UNC13C: variants seen among roughly 807,000 people sequenced by gnomAD.
The protein encoded by UNC13C is protein unc-13 homolog C.
In UNC13C, 174 loss-of-function variants were observed where a neutral mutation model predicts 245.4. That is an observed-to-expected ratio of 0.71 (90% CI 0.63 to 0.80). The LOEUF (loss-of-function observed/expected upper bound fraction) is 0.80, where lower values mean the gene tolerates loss of function less well. Ranked by LOEUF, UNC13C falls within the 30% of genes least tolerant of loss-of-function variation. The pLI, the probability that UNC13C is intolerant of heterozygous loss-of-function variation, is 0.00. For missense variants in UNC13C, 2,829 were observed against 2,602.9 expected (o/e 1.09, Z -1.89); for synonymous variants, 992 against 895.1 (o/e 1.11, Z -1.93).
At chr15:53,973,307 C>G (rs1893595466), upstream of UNC13C, among the ~76,000 whole-genome samples, 1 of 152,010 alleles carries the variant, frequency 6.6e-6, no homozygotes, top group South Asian at 2.1e-4. Flanking sequence ...TTATTGCTAG[C>G]TAATATTTAT....
At chr15:54,341,650 A>G (rs2038734594) in intron 17 of UNC13C, among the ~76,000 whole-genome samples, 1 of 152,204 alleles carries the variant, frequency 6.6e-6, no homozygotes, top group African/African-American at 2.4e-5. Flanking sequence ...TATGCTTACT[A>G]CCTATAACCA....
chr15:54,551,888 A>T (rs931418140), intron 28 of UNC13C, among the ~76,000 whole-genome samples: 1 of 152,030 alleles, frequency 6.6e-6, no homozygotes, highest in African/African-American at 2.4e-5. Flanking sequence ...AAATTGTATA[A>T]AACTATTTCC....
At chr15:53,980,724 A>C (rs1893892600) in intron 1 of UNC13C, among the ~76,000 whole-genome samples, 1 of 152,170 alleles carries the variant, frequency 6.6e-6, no homozygotes, top group African/African-American at 2.4e-5. Context: ...CCTTCCAGAG[A>C]TCATCATCAC....
At chr15:54,029,287 G>A (rs964071155) in intron 2 of UNC13C, among the ~76,000 whole-genome samples, 1 of 152,198 alleles carries the variant, frequency 6.6e-6, no homozygotes, top group Non-Finnish European at 1.5e-5. Context: ...TCAACATAGG[G>A]AACCAAATAA....
intron 18 of UNC13C, among the ~76,000 whole-genome samples, chr15:54,413,429 A>C (rs925829673): frequency 2.0e-5 from 3 of 152,156 alleles, no homozygotes; most frequent in African/African-American, 7.2e-5. Context: ...AATGTACTAC[A>C]AAATGTGTTA....
intron 17 of UNC13C, among the ~76,000 whole-genome samples, chr15:54,387,295 G>T (rs2039859563): frequency 6.6e-6 from 1 of 152,088 alleles, no homozygotes; most frequent in Admixed American, 6.6e-5. Flanking sequence ...TAATTATATG[G>T]TAAATAATTT....
At chr15:54,442,620 A>ACTATG (rs1244013194) in intron 19 of UNC13C, among the ~76,000 whole-genome samples, 4 of 151,990 alleles carry the variant, frequency 2.6e-5, no homozygotes, top group Admixed American at 6.6e-5. Flanking sequence ...GTTATGTTCC[A>ACTATG]CTATGCCTAG....
At chr15:53,979,564 T>C (rs2140943920) in intron 1 of UNC13C, among the ~76,000 whole-genome samples, 1 of 152,312 alleles carries the variant, frequency 6.6e-6, no homozygotes, top group African/African-American at 2.4e-5. Context: ...TCCAACAGCA[T>C]GAGTAAACCC....
At chr15:54,567,306 C>A (rs1897558173) in intron 29 of UNC13C, among the ~76,000 whole-genome samples, 1 of 152,188 alleles carries the variant, frequency 6.6e-6, no homozygotes, top group South Asian at 2.1e-4. Flanking sequence ...TGGCCTATAT[C>A]TGCACCACTG....
chr15:53,992,399 G>C (rs926209253), intron 1 of UNC13C, among the ~76,000 whole-genome samples: 9 of 152,044 alleles, frequency 5.9e-5, no homozygotes, highest in Non-Finnish European at 1.3e-4. Flanking sequence ...TGGAGGTCCA[G>C]GAGGTTGTTT....
the UNC13C span, among the ~76,000 whole-genome samples, chr15:53,848,851 A>G: frequency 9.9e-5 from 15 of 151,944 alleles, no homozygotes; most frequent in Non-Finnish European, 2.1e-4. Context: ...GTATTTTTAT[A>G]TCTTCTTGAT....
At chr15:53,846,380 A>C in the UNC13C span, among the ~76,000 whole-genome samples, 1 of 152,176 alleles carries the variant, frequency 6.6e-6, no homozygotes, top group African/African-American at 2.4e-5. Flanking sequence ...TTTTTAAAAA[A>C]TTTGTCTGCA....
At position 54,333,858 on chromosome 15, in the gene UNC13C, T is replaced by C. The variant is rs1397924091; in HGVS notation, c.4584+2T>C. 1 of 1,586,252 alleles carries C rather than the reference T, an allele frequency of 6.3e-7. No homozygotes were observed. Among genetic ancestry groups the C allele is most frequent in the Non-Finnish European group, 8.6e-7 (1 of 1,162,836 alleles). On this transcript the variant is annotated splice_donor_variant, in intron 16 of 32. Coordinates refer to ENST00000260323, the MANE Select transcript of UNC13C (RefSeq NM_001080534.3). LOFTEE classifies it high-confidence loss of function. The stretch of plus-strand genomic sequence containing the variant: ...AGTATCACCTTTTTTAGGATGAAGG[T>C]ATCTCATTTTATTTCTGTCACTGTT...
chr15:53,842,601 T>C, the UNC13C span, among the ~76,000 whole-genome samples: 3 of 152,126 alleles, frequency 2.0e-5, no homozygotes, highest in Admixed American at 1.3e-4. Flanking sequence ...GTCTTTCAGG[T>C]ATGTTGCTTA....
intron 24 of UNC13C, among the ~76,000 whole-genome samples, chr15:54,519,961 G>T (rs1895145635): frequency 6.6e-6 from 1 of 152,144 alleles, no homozygotes; most frequent in African/African-American, 2.4e-5. Context: ...GAAGGAAAAT[G>T]ATGTTTTAAA....
At chr15:54,087,722 A>T (rs867453583) in intron 2 of UNC13C, among the ~76,000 whole-genome samples, 2 of 152,204 alleles carry the variant, frequency 1.3e-5, no homozygotes, top group African/African-American at 4.8e-5. Flanking sequence ...GATGCAAAAG[A>T]GGATTGTTAC....
At chr15:54,284,018 C>T (rs1281295716) in intron 10 of UNC13C, among the ~76,000 whole-genome samples, 1 of 152,138 alleles carries the variant, frequency 6.6e-6, no homozygotes, top group Non-Finnish European at 1.5e-5. Flanking sequence ...CCACAAACAA[C>T]AGCAACAGAC....
chr15:54,584,418 G>T (rs1047624605), intron 30 of UNC13C, among the ~76,000 whole-genome samples: 2 of 152,134 alleles, frequency 1.3e-5, no homozygotes, highest in African/African-American at 4.8e-5. Context: ...AGCCGAAAAG[G>T]CAAGGTAACT....
chr15:54,434,646 G>C (rs1004015067), intron 19 of UNC13C, among the ~76,000 whole-genome samples: 2 of 151,968 alleles, frequency 1.3e-5, no homozygotes, highest in African/African-American at 4.8e-5. Flanking sequence ...AGAAAACGTA[G>C]GCAATACCAT....
Sources: allele counts gnomAD v4.1 joint callset (sites outside exome capture counted in the v4.1 genomes callset), GRCh38; gene constraint gnomAD v4.1.1; transcripts MANE v1.5; gene names NCBI Gene and HGNC (gene_info 2026-07-23, HGNC 2026-07-21).